The following CPQ variants were observed in gnomAD, a reference collection of about 807,000 sequenced individuals.
CPQ encodes Ser-Met dipeptidase.
In CPQ, 37 loss-of-function variants were observed where a neutral mutation model predicts 45.7. The ratio of observed to expected loss-of-function variants is 0.81; its 90% CI spans 0.62 to 1.07. CPQ has a LOEUF of 1.07. CPQ is among the 50% of genes least tolerant of loss of function. The pLI is 0.00. For missense variants in CPQ, 537 were observed against 572.9 expected (o/e 0.94, Z 0.64); for synonymous variants, 186 against 205.8 (o/e 0.90, Z 0.82).
chr8:97,138,291 C>T (rs946548117), intron 7 of CPQ, among the ~76,000 whole-genome samples: 7 of 152,282 alleles, frequency 4.6e-5, no homozygotes, highest in Middle Eastern at 3.4e-3. Flanking sequence ...ATACCTGTGC[C>T]TATATCTGTC....
intron 1 of CPQ, among the ~76,000 whole-genome samples, chr8:96,711,060 T>C (rs1406147788): frequency 6.6e-6 from 1 of 152,180 alleles, no homozygotes; most frequent in African/African-American, 2.4e-5. Context: ...AGGATTATAA[T>C]GTCTTCTTGT....
chr8:96,955,953 C>T (rs1427526170), intron 4 of CPQ, among the ~76,000 whole-genome samples: 1 of 152,140 alleles, frequency 6.6e-6, no homozygotes, highest in Non-Finnish European at 1.5e-5. Flanking sequence ...CTGTTCAGGA[C>T]ATAGGCATGG....
At chr8:96,741,816 T>A (rs1810096628) in intron 1 of CPQ, among the ~76,000 whole-genome samples, 1 of 150,878 alleles carries the variant, frequency 6.6e-6, no homozygotes, top group Non-Finnish European at 1.5e-5. Flanking sequence ...GAGTTCTAGT[T>A]TGATTGCACT....
intron 1 of CPQ, among the ~76,000 whole-genome samples, chr8:96,704,993 G>A (rs1326159175): frequency 6.6e-6 from 1 of 152,176 alleles, no homozygotes; most frequent in Non-Finnish European, 1.5e-5. Flanking sequence ...GAGGACTGAT[G>A]AAATTGTCTA....
chr8:96,676,478 C>T (rs189717584), intron 1 of CPQ, among the ~76,000 whole-genome samples: 1 of 152,086 alleles, frequency 6.6e-6, no homozygotes, highest in Non-Finnish European at 1.5e-5. Flanking sequence ...CTGCAAATGA[C>T]AGTATATCAT....
At chr8:96,780,368 T>C (rs1468137091) in intron 1 of CPQ, among the ~76,000 whole-genome samples, 1 of 152,078 alleles carries the variant, frequency 6.6e-6, no homozygotes, top group Non-Finnish European at 1.5e-5. Flanking sequence ...GAAGGGTCTT[T>C]CAATAAAAGA....
intron 1 of CPQ, among the ~76,000 whole-genome samples, chr8:96,753,360 T>G (rs1810287280): frequency 6.6e-6 from 1 of 152,160 alleles, no homozygotes; most frequent in Non-Finnish European, 1.5e-5. Flanking sequence ...TTTTACTTTT[T>G]TAAACAGTTG....
intron 4 of CPQ, among the ~76,000 whole-genome samples, chr8:96,957,114 G>A (rs1020843368): frequency 6.6e-6 from 1 of 152,162 alleles, no homozygotes; most frequent in Non-Finnish European, 1.5e-5. Context: ...CCAAATAAAA[G>A]TTGTTCTCAG....
At chr8:96,697,225 A>G (rs1432852642) in intron 1 of CPQ, among the ~76,000 whole-genome samples, 1 of 152,220 alleles carries the variant, frequency 6.6e-6, no homozygotes, top group East Asian at 1.9e-4. Context: ...ACATATGCAA[A>G]CCAATTCATG....
chr8:97,116,654 T>C lies in CPQ; in HGVS notation c.1256-26366T>C, dbSNP rs549618918. On this transcript the variant is annotated intron_variant, in intron 7 of 7. Transcript: ENST00000220763. ...TGCAAGGCAGAGAGTGTGGCTGACC[T>C]GTGATATAAATGAAACCCCGTGGCA... 3.7e-4 allele frequency among the ~76,000 whole-genome samples: 57 copies of C among 152,326 alleles called. No individual in the cohort carries two copies. In the South Asian group the frequency reaches 0.012, roughly 31 times the overall value.
At chr8:97,021,113 A>T (rs1280845120) in intron 5 of CPQ, among the ~76,000 whole-genome samples, 1 of 152,184 alleles carries the variant, frequency 6.6e-6, no homozygotes, top group East Asian at 1.9e-4. Flanking sequence ...CAGAATCAAA[A>T]ACAAAAATTA....
chr8:96,706,760 A>C (rs141659089), intron 1 of CPQ, among the ~76,000 whole-genome samples: 4 of 152,128 alleles, frequency 2.6e-5, no homozygotes, highest in Non-Finnish European at 5.9e-5. Context: ...TAGAGGAGGA[A>C]ATGACTTTGA....
intron 2 of CPQ, among the ~76,000 whole-genome samples, chr8:96,831,325 G>A (rs1052635096): frequency 3.9e-5 from 6 of 152,130 alleles, no homozygotes; most frequent in Non-Finnish European, 8.8e-5. Flanking sequence ...ACTGGAAACT[G>A]ATAAATGCTG....
At chr8:96,777,873 C>T (rs1486508393) in intron 1 of CPQ, among the ~76,000 whole-genome samples, 7 of 145,160 alleles carry the variant, frequency 4.8e-5, no homozygotes, top group African/African-American at 1.8e-4. Flanking sequence ...GGACTACAGG[C>T]GCCCTCCACC....
chr8:97,130,420 GTT>G (rs67911510), intron 7 of CPQ, among the ~76,000 whole-genome samples: 13,330 of 125,166 alleles, frequency 0.11, 594 homozygotes, highest in African/African-American at 0.14. Flanking sequence ...ATCGTCAGCT[GTT>G]TTTTTTTTTT....
intron 1 of CPQ, 50 bp from the exon 2 acceptor site, chr8:96,784,814 T>C (rs1810739083): frequency 1.0e-5 from 14 of 1,350,330 alleles, no homozygotes; most frequent in Non-Finnish European, 1.4e-5. Context: ...TATGGGCAGA[T>C]AGCTGTGAGA....
intron 4 of CPQ, among the ~76,000 whole-genome samples, chr8:96,956,333 G>A (rs1813356911): frequency 6.6e-6 from 1 of 152,092 alleles, no homozygotes; most frequent in Non-Finnish European, 1.5e-5. Flanking sequence ...TGGAAAGCAT[G>A]ATTATGCTTC....
chr8:96,734,165 C>T (rs1809947986), intron 1 of CPQ, among the ~76,000 whole-genome samples: 2 of 152,196 alleles, frequency 1.3e-5, no homozygotes, highest in African/African-American at 4.8e-5. Context: ...CATCATCTTC[C>T]TCATTTCTAC....
chr8:97,139,958 AT>A (rs1221434699), intron 7 of CPQ, among the ~76,000 whole-genome samples: 1 of 151,752 alleles, frequency 6.6e-6, no homozygotes, highest in African/African-American at 2.4e-5. Context: ...GAAAGTCATC[AT>A]TTTTTCTTTT....
Sources: allele counts gnomAD v4.1 joint callset (sites outside exome capture counted in the v4.1 genomes callset), GRCh38; gene constraint gnomAD v4.1.1; transcripts MANE v1.5; gene names NCBI Gene and HGNC (gene_info 2026-07-23, HGNC 2026-07-21).